The following ITGA7 variants were observed in gnomAD, a reference collection of about 807,000 sequenced individuals.
ITGA7 encodes integrin alpha-7.
Under a neutral mutation model 131.6 loss-of-function variants are expected in ITGA7, and 84 were observed. The ratio of observed to expected loss-of-function variants is 0.64; its 90% confidence interval spans 0.54 to 0.77. The LOEUF (loss-of-function observed/expected upper bound fraction) is 0.77. Ranked by LOEUF, ITGA7 falls within the 30% of genes least tolerant of loss-of-function variation. The pLI, the probability that ITGA7 is intolerant of heterozygous loss-of-function variation, is 0.00. For synonymous variants in ITGA7, 548 were observed against 600.7 expected, an observed-to-expected ratio of 0.91 and a Z score of 1.28; for missense variants, 1,399 against 1,482.9, an observed-to-expected ratio of 0.94 and a Z score of 0.93.
At chr12:55,701,237 G>A (rs1873944164) in intron 3 of ITGA7, 83 bp from the exon 4 acceptor site, 2 of 1,603,854 alleles carry the variant, frequency 1.2e-6, no homozygotes, top group African/African-American at 1.3e-5. Flanking sequence ...CAGAGATTTG[G>A]CAGATACTGA....
intron 5 of ITGA7, 153 bp downstream of exon 5, chr12:55,699,717 C>G: frequency 9.7e-7 from 1 of 1,029,004 alleles, no homozygotes. Flanking sequence ...ATCATTGGAC[C>G]CAGCTCTTCT....
Position 55,701,096 on chromosome 12 carries a change from T to G in ITGA7, c.473A>C (p.Asp158Ala). ...QRVDQILETRDMIGRCFVLSQ... is the reference protein window; with the variant it reads ...QRVDQILETRAMIGRCFVLSQ... ...GAGCACAAAGCAGCGACCAATCATA[T>G]CCCGCGTCTCCAGGATCTGGTCCAC... Residue 158 changes from aspartate (D) to alanine (A), a missense_variant, in exon 4 of 25, where the codon GAT (aspartate) becomes GCT (alanine). Transcript: ENST00000257879. 1 of 1,614,154 alleles carries G rather than the reference T, an allele frequency of 6.2e-7. No homozygotes were observed. Among genetic ancestry groups the G allele is most frequent in the Non-Finnish European group, 8.5e-7 (1 of 1,180,020 alleles).
upstream of ITGA7, among the ~76,000 whole-genome samples, chr12:55,713,583 C>G (rs928132109): frequency 3.9e-5 from 6 of 152,196 alleles, no homozygotes; most frequent in Non-Finnish European, 1.5e-5. Flanking sequence ...TTTCACAGAA[C>G]TGTTCTAGGG....
In ITGA7 at chr12:55,694,323, C is replaced by T; in HGVS notation, c.2365G>A (p.Glu789Lys). Residue 789 changes from glutamate to lysine, a missense_variant, in exon 18 of 25, where the codon GAG (glutamate) becomes AAG (lysine). Glu to Lys is a moderately conservative substitution (Grantham distance 56, BLOSUM62 1). Coordinates refer to ENST00000257879, the MANE Select transcript of ITGA7 (RefSeq NM_002206.3). This position sits in a 1 kb window ranked among gnomAD's most constrained non-coding sequence, Gnocchi z 5.3. ...EVELLLATIS[E>K]QELHPVSARA... ...GCAGAGACTGGATGCAGCTCCTGCTCACTGATCCTGGTGAGTGGGCAGGGG... is the reference window on the plus strand; with the variant it reads ...GCAGAGACTGGATGCAGCTCCTGCTTACTGATCCTGGTGAGTGGGCAGGGG... 5 of 1,613,854 alleles carry T rather than the reference C, an allele frequency of 3.1e-6. No homozygotes were observed. Among genetic ancestry groups the T allele is most frequent in the Non-Finnish European group, 4.2e-6 (5 of 1,180,030 alleles).
Position 55,688,899 on chromosome 12 carries a change from T to A in ITGA7, c.2903A>T (p.Asp968Val). 5.6e-6 allele frequency: 9 copies of A among 1,613,798 alleles called. No individual in the cohort carries two copies. The highest frequency in any genetic ancestry group is 7.6e-6 in the Non-Finnish European group (9 of 1,179,944). Residue 968 changes from aspartate (D) to valine (V), a missense_variant, in exon 22 of 25, where the codon GAC becomes GTC. Asp to Val is a radical substitution (Grantham distance 152, BLOSUM62 -3). Transcript: ENST00000257879. ...VVFSCPLYSF[D>V]RAAVLHVWGR... is the part of the protein sequence containing the mutation. ...CCAGACATGCAGCACAGCCGCGCGG[T>A]CAAAGCTGTAGAGTGGGCAGCTGAA... is the stretch of plus-strand genomic sequence containing the variant.
intron 1 of ITGA7, 132 bp from the exon 2 acceptor site, chr12:55,703,310 T>C: frequency 3.9e-6 from 4 of 1,032,152 alleles, no homozygotes; most frequent in Non-Finnish European, 5.5e-6. Context: ...AAGGGGCAAA[T>C]GTCAGTTTTC....
At position 55,685,258 on chromosome 12, in the gene ITGA7, C is replaced by G; in HGVS notation, c.3214G>C (p.Glu1072Gln). Residue 1072 changes from glutamate (E) to glutamine (Q), a missense_variant, in exon 25 of 25, where the codon GAG (glutamate) becomes CAG (glutamine). By Grantham distance (29) the Glu-to-Gln change is conservative (BLOSUM62 2). Coordinates refer to ENST00000257879, the MANE Select transcript of ITGA7 (RefSeq NM_002206.3). ...MGFFKRAKHP[E>Q]ATVPQYHAVK... ...GCATGGTACTGGGGCACGGTGGCCT[C>G]GGGGTGCTTCGCCCGTTTGAAGAAT... is the stretch of plus-strand genomic sequence containing the variant. 6.2e-7 allele frequency: 1 copy of G among 1,614,198 alleles called. No homozygotes were observed.
At chr12:55,714,937 T>C (rs527653551), upstream of ITGA7, among the ~76,000 whole-genome samples, 137 of 145,026 alleles carry the variant, frequency 9.4e-4, no homozygotes, top group African/African-American at 3.2e-3. Context: ...CTCGGCTCAC[T>C]GCAACCTCTG....
intron 13 of ITGA7, 59 bp downstream of exon 13, chr12:55,696,224 G>A: frequency 6.6e-7 from 1 of 1,518,284 alleles, no homozygotes. Context: ...ACTGGGGAGG[G>A]ACCATGATCT....
At chr12:55,689,842 G>C (rs1375736522) in intron 21 of ITGA7, among the ~76,000 whole-genome samples, 4 of 152,070 alleles carry the variant, frequency 2.6e-5, no homozygotes, top group Non-Finnish European at 2.9e-5. Flanking sequence ...TCTGATCTTT[G>C]ACAAACCTGA....
At chr12:55,710,079 G>A (rs995132824), upstream of ITGA7, among the ~76,000 whole-genome samples, 8 of 152,180 alleles carry the variant, frequency 5.3e-5, no homozygotes, top group African/African-American at 1.9e-4. Context: ...AACTAGACGG[G>A]GCCGGGCGCG....
At chr12:55,687,894 G>C (rs1271268700) in intron 24 of ITGA7, 77 bp downstream of exon 24, 2 of 1,598,582 alleles carry the variant, frequency 1.3e-6, no homozygotes, top group South Asian at 2.2e-5. Flanking sequence ...GTGTGGGTGG[G>C]TGACAGAACC....
At chr12:55,716,116 GC>G, upstream of ITGA7, 1 of 1,607,962 alleles carries the variant, frequency 6.2e-7, no homozygotes, top group South Asian at 1.1e-5. Context: ...GGCGTACCCA[GC>G]CCCCAGCCCG....
rs748703785 is a variant in ITGA7 at position 55,693,161 on chromosome 12, T to TG, written c.2691dup (p.Arg898GlnfsTer12). ...CTCACCAGGTGGAGGATGTTGGGCCTGGGAGAGCAAAGCCCTTTCTGCCCA... is the reference window on the plus strand; with the variant it reads ...CTCACCAGGTGGAGGATGTTGGGCCTGGGGAGAGCAAAGCCCTTTCTGCCCA... On this transcript the variant is annotated frameshift_variant, in exon 20 of 25. Coordinates refer to ENST00000257879, the MANE Select transcript of ITGA7 (RefSeq NM_002206.3). LOFTEE classifies it high-confidence loss of function. 2 of 1,613,846 alleles carry TG rather than the reference T, an allele frequency of 1.2e-6. No individual in the cohort carries two copies. The highest frequency in any genetic ancestry group is 1.7e-6 in the Non-Finnish European group (2 of 1,179,950).
In ITGA7 at chr12:55,694,994, G is replaced by A. The variant is rs1366206409; in HGVS notation, c.2004-24C>T. On this transcript the variant is annotated intron_variant, in intron 14 of 24. Transcript: ENST00000257879. The surrounding 1 kb of genome is among the most constrained non-coding windows in gnomAD (Gnocchi z 5.3). ...CCCTGGAGAGTCAGACCCCACTCCT[G>A]CTAAGTTCTGAACACCTCCCCCTAC... 1.2e-6 allele frequency: 2 copies of A among 1,607,466 alleles called. No homozygotes were observed. The highest frequency in any genetic ancestry group is 1.7e-6 in the Non-Finnish European group (2 of 1,178,174).
chr12:55,716,092 G>A (rs1876496114), upstream of ITGA7: 2 of 1,588,040 alleles, frequency 1.3e-6, no homozygotes, highest in Admixed American at 1.8e-5. Flanking sequence ...AGCTTCCGGA[G>A]CCGGAGGGGG....
rs780800616 is a variant in ITGA7 at position 55,698,575 on chromosome 12, A to C, written c.1000T>G (p.Trp334Gly). The C allele has an allele frequency of 6.2e-7, 1 of 1,614,094 alleles. No homozygotes were observed. The highest frequency in any genetic ancestry group is 8.5e-7 in the Non-Finnish European group (1 of 1,179,986). The change falls in exon 7 of 25, where the codon TGG (tryptophan) becomes GGG (glycine). Residue 334 changes from tryptophan to glycine, a missense_variant and splice_region_variant. Coordinates refer to ENST00000257879, the MANE Select transcript of ITGA7 (RefSeq NM_002206.3). ...LAVADLNSDG[W>G]PDLIVGAPYF... ...GGGGCACCCACTATCAGGTCTGGCCAGCTATGGAGAGAGGGAAACATTCAG... is the reference window on the plus strand; with the variant it reads ...GGGGCACCCACTATCAGGTCTGGCCCGCTATGGAGAGAGGGAAACATTCAG...
At chr12:55,692,130 T>C (rs1391120028) in intron 21 of ITGA7, among the ~76,000 whole-genome samples, 1 of 152,190 alleles carries the variant, frequency 6.6e-6, no homozygotes, top group Non-Finnish European at 1.5e-5. Flanking sequence ...ATTTAGTGTT[T>C]TTGCTGAGCG....
chr12:55,714,024 T>G (rs566710260), upstream of ITGA7, among the ~76,000 whole-genome samples: 1 of 152,334 alleles, frequency 6.6e-6, no homozygotes, highest in South Asian at 2.1e-4. Flanking sequence ...TTAGATATGG[T>G]TTAGCCCAGT....
Sources: gnomAD v4.1 joint callset for allele counts (sites outside exome capture counted in the v4.1 genomes callset) on GRCh38, gnomAD v4.1.1 for gene constraint, Gnocchi (gnomAD v3.1) non-coding constraint, MANE v1.5 for transcripts, NCBI Gene and HGNC (gene_info 2026-07-23, HGNC 2026-07-21) for gene names.